ITPR2: variants seen among roughly 807,000 people sequenced by gnomAD.
The protein encoded by ITPR2 is inositol 1,4,5-trisphosphate receptor type 2.
In ITPR2, 207 loss-of-function variants were observed where a neutral mutation model predicts 317.1. The observed-to-expected ratio is 0.65, with a 90% CI of 0.58 to 0.73. ITPR2 has a LOEUF of 0.73. Among genes scored for constraint, ITPR2 ranks in the 30% least tolerant of loss-of-function variants. The pLI, the probability that ITPR2 is intolerant of heterozygous loss-of-function variation, is 0.00. For missense variants in ITPR2, 2,613 were observed against 3,284.0 expected (o/e 0.80, Z 4.99); for synonymous variants, 1,156 against 1,149.1 (o/e 1.01, Z -0.12).
intron 55 of ITPR2, among the ~76,000 whole-genome samples, chr12:26,371,984 C>CAGG (rs1939202337): frequency 6.6e-6 from 1 of 152,184 alleles, no homozygotes; most frequent in African/African-American, 2.4e-5. Flanking sequence ...AAGGATCAAA[C>CAGG]AGGAACTCCT....
chr12:26,688,384 T>C (rs765269043), intron 10 of ITPR2, among the ~76,000 whole-genome samples: 2 of 152,128 alleles, frequency 1.3e-5, no homozygotes, highest in Non-Finnish European at 2.9e-5. Flanking sequence ...ACCAAAGCCA[T>C]TCCTTTGGTT....
chr12:26,597,149 A>T lies in ITPR2; in HGVS notation c.4003-15T>A, dbSNP rs1391537078. The T allele has an allele frequency of 7.4e-6, 12 of 1,613,212 alleles. No individual in the cohort carries two copies. Among genetic ancestry groups the T allele is most frequent in the Non-Finnish European group, 9.3e-6 (11 of 1,179,828 alleles). On this transcript the variant is annotated splice_polypyrimidine_tract_variant and intron_variant, in intron 30 of 56. Coordinates refer to ENST00000381340, the MANE Select transcript of ITPR2 (RefSeq NM_002223.4). Reference sequence around the variant, plus strand: ...CCATTTATCAACTGAAATGATAATAAGAGAGTCTATGTAGCAGTCCGAACA... The same window carrying T: ...CCATTTATCAACTGAAATGATAATATGAGAGTCTATGTAGCAGTCCGAACA...
chr12:26,659,029 A>G (rs1947434523), intron 16 of ITPR2, 84 bp downstream of exon 16: 1 of 1,079,344 alleles, frequency 9.3e-7, no homozygotes, highest in Non-Finnish European at 1.4e-6. Context: ...GATGTGAAAG[A>G]ACTCTAACTT....
intron 55 of ITPR2, among the ~76,000 whole-genome samples, chr12:26,379,945 C>T (rs1255084331): frequency 6.6e-6 from 1 of 152,212 alleles, no homozygotes; most frequent in Non-Finnish European, 1.5e-5. Flanking sequence ...GGTTCTGTAA[C>T]TCTGTGGCCA....
Position 26,729,026 on chromosome 12 carries a change from T to C in ITPR2, c.164-3261A>G, listed in dbSNP as rs183378107. Among the ~76,000 whole-genome samples, 46 of 152,380 alleles carry C rather than the reference T, an allele frequency of 3.0e-4. No homozygotes were observed. In the East Asian group the frequency reaches 8.9e-3, roughly 29 times the overall value. On this transcript the variant is annotated intron_variant, in intron 2 of 56. Coordinates refer to ENST00000381340, the MANE Select transcript of ITPR2 (RefSeq NM_002223.4). ...TTACTTTGTTGACAGCTTCTTTTGC[T>C]GTGCAGAAGCTCTTCAGTTTAATTA...
chr12:26,340,098 C>G, intron 56 of ITPR2, 69 bp downstream of exon 56: 1 of 1,441,078 alleles, frequency 6.9e-7, no homozygotes, highest in South Asian at 1.4e-5. Flanking sequence ...CCTGGACCCT[C>G]TGTCTCCCCT....
intron 5 of ITPR2, among the ~76,000 whole-genome samples, chr12:26,717,934 C>T (rs925255750): frequency 6.6e-6 from 1 of 152,208 alleles, no homozygotes; most frequent in African/African-American, 2.4e-5. Flanking sequence ...TTGCACATGA[C>T]AGCAAGGCAG....
At position 26,650,335 on chromosome 12, in the gene ITPR2, G is replaced by T. The variant is rs1226687320; in HGVS notation, c.2740+3641C>A. ...CAGAGCACAGAGAATTTTTAGGGCAGTGAAAAGATGCTGTACGATACTATA... is the reference window on the plus strand; with the variant it reads ...CAGAGCACAGAGAATTTTTAGGGCATTGAAAAGATGCTGTACGATACTATA... On this transcript the variant is annotated intron_variant, in intron 21 of 56. Coordinates refer to ENST00000381340, the MANE Select transcript of ITPR2 (RefSeq NM_002223.4). Among the ~76,000 whole-genome samples the T allele has an allele frequency of 2.6e-5, 4 of 152,244 alleles. No homozygotes were observed. In the East Asian group the frequency reaches 7.7e-4, roughly 29 times the overall value.
intron 54 of ITPR2, among the ~76,000 whole-genome samples, chr12:26,390,449 C>T (rs1939798512): frequency 6.6e-6 from 1 of 152,152 alleles, no homozygotes; most frequent in Admixed American, 6.5e-5. Context: ...CTGATACCTG[C>T]TACAACATGA....
chr12:26,671,995 G>A (rs562907429), intron 13 of ITPR2, among the ~76,000 whole-genome samples: 1 of 152,040 alleles, frequency 6.6e-6, no homozygotes, highest in African/African-American at 2.4e-5. Flanking sequence ...AACAAGAAGA[G>A]CTAACTATCC....
In ITPR2 at chr12:26,722,397, A is replaced by G; in HGVS notation, c.525T>C (p.Asn175=). ...TCCCTCTTAATTGTATATTACATAC[A>G]TTGTCACCCTCGCTTCTCAGTTTCC... ...PFWKLRSEGD[N]IVVGDKVVLM... Residue 175 remains asparagine (N), a splice_region_variant and synonymous_variant, in exon 5 of 57, where the codon AAT becomes AAC. Transcript: ENST00000381340. 1 of 1,610,054 alleles carries G rather than the reference A, an allele frequency of 6.2e-7. No homozygotes were observed. Among genetic ancestry groups the G allele is most frequent in the Non-Finnish European group, 8.5e-7 (1 of 1,177,960 alleles).
At chr12:26,740,746 T>C (rs1949216447) in intron 2 of ITPR2, among the ~76,000 whole-genome samples, 1 of 152,234 alleles carries the variant, frequency 6.6e-6, no homozygotes, top group East Asian at 1.9e-4. Context: ...AGACAAAACT[T>C]TTTTGTCTTC....
At chr12:26,461,815 A>C (rs954566311) in intron 45 of ITPR2, among the ~76,000 whole-genome samples, 2 of 151,766 alleles carry the variant, frequency 1.3e-5, no homozygotes, top group African/African-American at 4.8e-5. Flanking sequence ...ACATTTAGTC[A>C]ATAATATAAA....
At chr12:26,370,962 T>C (rs954454838) in intron 55 of ITPR2, among the ~76,000 whole-genome samples, 1 of 152,198 alleles carries the variant, frequency 6.6e-6, no homozygotes, top group East Asian at 1.9e-4. Flanking sequence ...CGTGAGCCAC[T>C]GCGTCCGGCC....
At position 26,599,315 on chromosome 12, in the gene ITPR2, A is replaced by G; in HGVS notation, c.3832T>C (p.Phe1278Leu). 1 of 1,614,098 alleles carries G rather than the reference A, an allele frequency of 6.2e-7. No individual in the cohort carries two copies. Among genetic ancestry groups the G allele is most frequent in the Non-Finnish European group, 8.5e-7 (1 of 1,179,942 alleles). Residue 1278 changes from phenylalanine (F) to leucine (L), a missense_variant, in exon 30 of 57, where the codon TTC becomes CTC. Physicochemically the swap from Phe to Leu is conservative, Grantham distance 22. Around this residue, in one of 9 missense-constraint regions of ITPR2, gnomAD observed 817 missense variants for 897.6 expected, o/e 0.91. Transcript: ENST00000381340. ...LLEAETMRHI[F>L]MNNYHLCNEI... is the part of the protein sequence containing the mutation. Reference sequence around the variant, plus strand: ...TTGCACAGATGGTAATTGTTCATGAAGATGTGCCGCATGGTTTCTGCTTCA... The same window carrying G: ...TTGCACAGATGGTAATTGTTCATGAGGATGTGCCGCATGGTTTCTGCTTCA...
At chr12:26,580,925 T>C (rs1416643704) in intron 32 of ITPR2, among the ~76,000 whole-genome samples, 1 of 151,712 alleles carries the variant, frequency 6.6e-6, no homozygotes, top group Non-Finnish European at 1.5e-5. Context: ...TAAAAACACA[T>C]GAAAAAAAGT....
In ITPR2 at chr12:26,567,980, A is replaced by ATATATATATATAT. The variant is rs1383861270; in HGVS notation, c.4631-6041_4631-6029dup. Among the ~76,000 whole-genome samples the ATATATATATATAT allele has an allele frequency of 1.2e-3, 9 of 7,606 alleles. No individual in the cohort carries two copies. The East Asian group carries it at 0.016, about 14-fold the overall frequency. The allele number at this position is 7,606 out of a possible 152,430, so 5.0% of individuals were successfully genotyped here. ...TATATATATATATATTATATATATT[A>ATATATATATATAT]TATATATATATATATATTATATATA... is the stretch of plus-strand genomic sequence containing the variant. On this transcript the variant is annotated intron_variant, in intron 34 of 56. Coordinates refer to ENST00000381340, the MANE Select transcript of ITPR2 (RefSeq NM_002223.4).
intron 54 of ITPR2, among the ~76,000 whole-genome samples, chr12:26,391,544 CTTCTTCTTTTCCTTTTT>C (rs1939837546): frequency 9.2e-6 from 1 of 108,900 alleles, no homozygotes; most frequent in Admixed American, 1.1e-4. Context: ...TCTTCTTCTT[CTTCTTCTTTTCCTTTTT>C]TTTTTTTTTT....
intron 37 of ITPR2, among the ~76,000 whole-genome samples, chr12:26,497,701 G>C (rs759728118): frequency 6.1e-4 from 89 of 145,504 alleles, no homozygotes; most frequent in Non-Finnish European, 1.1e-3. Flanking sequence ...ATGTCATAGT[G>C]CCAAGAATTT....
Sources: allele counts gnomAD v4.1 joint callset (sites outside exome capture counted in the v4.1 genomes callset), GRCh38; gene constraint gnomAD v4.1.1; regional missense constraint gnomAD v4.1.1; transcripts MANE v1.5; gene names NCBI Gene and HGNC (gene_info 2026-07-23, HGNC 2026-07-21).